The following ADGRB2 variants were observed in gnomAD, a reference collection of about 807,000 sequenced individuals.
The protein encoded by ADGRB2 is adhesion G protein-coupled receptor B2, also known as brain-specific angiogenesis inhibitor 2.
A neutral mutation model predicts 178.7 loss-of-function variants in ADGRB2; 47 were observed. That is an observed-to-expected ratio of 0.26 (90% CI 0.21 to 0.34). The LOEUF (loss-of-function observed/expected upper bound fraction) is 0.34, where lower values mean the gene tolerates loss of function less well. Ranked by LOEUF, ADGRB2 falls within the 10% of genes least tolerant of loss-of-function variation. The pLI is 1.00. For synonymous variants in ADGRB2, 870 were observed against 912.4 expected, an observed-to-expected ratio of 0.95 and a Z score of 0.84; for missense variants, 1,584 against 2,180.8, an observed-to-expected ratio of 0.73 and a Z score of 5.45.
At position 31,727,912 on chromosome 1, in the gene ADGRB2, C is replaced by T; in HGVS notation, c.4572+113G>A. 9 of 1,356,770 alleles carry T rather than the reference C, an allele frequency of 6.6e-6. No homozygotes were observed. The highest frequency in any genetic ancestry group is 2.5e-5 in the East Asian group (1 of 39,754). The allele number at this position is 1,356,770 out of a possible 1,614,324, so 84.0% of individuals were successfully genotyped here. ...GGCGGCCCCAGACTGTTGCCCATGC[C>T]GTGGGGGAGGCCCTTGGTGAGACAG... On this transcript the variant is annotated intron_variant, in intron 32 of 32. Transcript: ENST00000373658. The surrounding 1 kb of genome is among the most constrained non-coding windows in gnomAD (Gnocchi z 4.4).
At position 31,742,853 on chromosome 1, in the gene ADGRB2, T is replaced by C. The variant is rs1646053900; in HGVS notation, c.1237A>G (p.Met413Val). 1 of 1,501,818 alleles carries C rather than the reference T, an allele frequency of 6.7e-7. No homozygotes were observed. Among genetic ancestry groups the C allele is most frequent in the Non-Finnish European group, 8.9e-7 (1 of 1,117,778 alleles). The allele number at this position is 1,501,818 out of a possible 1,614,324, so 93.0% of individuals were successfully genotyped here. A position where few individuals can be genotyped will look rare whatever the true frequency, so the allele number is the denominator to read the frequency against. Residue 413 changes from methionine to valine, a missense_variant, in exon 7 of 33, where the codon ATG (methionine) becomes GTG (valine). Physicochemically the swap from Met to Val is conservative, Grantham distance 21. Coordinates refer to ENST00000373658, the MANE Select transcript of ADGRB2 (RefSeq NM_001364857.2). ...GPELQTKLCS[M>V]AACPVEGQWL... Reference sequence around the variant, plus strand: ...TGCTACTGACCCGGGCAGGCAGCCATACTGCAGAGCTTAGTCTGCAGCTCA... The same window carrying C: ...TGCTACTGACCCGGGCAGGCAGCCACACTGCAGAGCTTAGTCTGCAGCTCA...
At chr1:31,742,031 C>T (rs1646001516) in intron 8 of ADGRB2, 22 bp downstream of exon 8, 1 of 1,591,676 alleles carries the variant, frequency 6.3e-7, no homozygotes, top group South Asian at 1.1e-5. Flanking sequence ...TGCAACTTGC[C>T]ACCACTGTGC....
intron 20 of ADGRB2, 77 bp downstream of exon 20, chr1:31,737,352 A>C: frequency 7.3e-7 from 1 of 1,376,470 alleles, no homozygotes; most frequent in East Asian, 2.3e-5. Context: ...CGTACAAGCA[A>C]ACACACACAC....
rs1176709058 is a variant in ADGRB2 at position 31,735,392 on chromosome 1, G to A, written c.3354-111C>T. On this transcript the variant is annotated intron_variant, in intron 24 of 32. Transcript: ENST00000373658. This position sits in a 1 kb window ranked among gnomAD's most constrained non-coding sequence, Gnocchi z 6.0. ...GAGGGGAGGGCAGACGAGAGAGAGA[G>A]AGCTGGGTTAGGGTGGGTGAGGGGC... 8.3e-7 allele frequency: 1 copy of A among 1,199,358 alleles called. No homozygotes were observed. The highest frequency in any genetic ancestry group is 2.6e-5 in the East Asian group (1 of 38,824). The allele number at this position is 1,199,358 out of a possible 1,614,324, so 74.3% of individuals were successfully genotyped here.
rs528852959 is a variant in ADGRB2 at position 31,758,129 on chromosome 1, C to A, written c.-190-618G>T. Among the ~76,000 whole-genome samples, 2 of 152,208 alleles carry A rather than the reference C, an allele frequency of 1.3e-5. No individual in the cohort carries two copies. Among genetic ancestry groups the A allele is most frequent in the African/African-American group, 4.8e-5 (2 of 41,446 alleles). On this transcript the variant is annotated intron_variant, in intron 1 of 32. Transcript: ENST00000373658. The surrounding 1 kb of genome is among the most constrained non-coding windows in gnomAD (Gnocchi z 4.2). ...CAGCCCCACTTCCAATCCTACCCCC[C>A]AAGTAATCCAAGCGGCCTCCCTCCT...
chr1:31,738,363 G>C (rs1243240666), intron 17 of ADGRB2, 37 bp from the exon 18 acceptor site: 1 of 1,612,164 alleles, frequency 6.2e-7, no homozygotes, highest in Non-Finnish European at 8.5e-7. Flanking sequence ...CCCCAGGCCA[G>C]CTACGTGGCC....
rs1425432989 is a variant in ADGRB2, at chr1:31,757,525, G to C, written c.-190-14C>G. On this transcript the variant is annotated splice_polypyrimidine_tract_variant and intron_variant, in intron 1 of 32. Transcript: ENST00000373658. ...GCTGTGGATTTCCTGGTTGGAATAA[G>C]GGGGAGAGGCACCGAGTAAGGGGAC... 1 of 416,320 alleles carries C rather than the reference G, an allele frequency of 2.4e-6. No homozygotes were observed. Among genetic ancestry groups the C allele is most frequent in the African/African-American group, 2.0e-5 (1 of 50,382 alleles). The allele number at this position is 416,320 out of a possible 1,614,324, so 25.8% of individuals were successfully genotyped here.
chr1:31,743,220 A>G lies in ADGRB2; in HGVS notation c.1088-218T>C, dbSNP rs182131240. 8.5e-4 allele frequency among the ~76,000 whole-genome samples: 130 copies of G among 152,136 alleles called. No individual in the cohort carries two copies. The East Asian group carries it at 0.025, about 29-fold the overall frequency. Reference sequence around the variant, plus strand: ...ACACAGGCTTCCGGTCCTAATTCACATAGGACAGCCCCTGTGGACGCCTGG... The same window carrying G: ...ACACAGGCTTCCGGTCCTAATTCACGTAGGACAGCCCCTGTGGACGCCTGG... On this transcript the variant is annotated intron_variant, in intron 6 of 32. Coordinates refer to ENST00000373658, the MANE Select transcript of ADGRB2 (RefSeq NM_001364857.2).
chr1:31,752,131 C>T (rs1646606040), intron 4 of ADGRB2, among the ~76,000 whole-genome samples: 1 of 152,166 alleles, frequency 6.6e-6, no homozygotes, highest in Non-Finnish European at 1.5e-5. Flanking sequence ...CTAGTTAGTG[C>T]TCTCCCTCCC....
At position 31,755,885 on chromosome 1, in the gene ADGRB2, A is replaced by G; in HGVS notation, c.838+114T>C. On this transcript the variant is annotated intron_variant, in intron 4 of 32. Transcript: ENST00000373658. The surrounding 1 kb of genome is among the most constrained non-coding windows in gnomAD (Gnocchi z 5.1). Reference sequence around the variant, plus strand: ...GCAACATTTGGACAAGGCTCAGCAGAGGGGTGACATCAGTGAACAGCTACA... The same window carrying G: ...GCAACATTTGGACAAGGCTCAGCAGGGGGGTGACATCAGTGAACAGCTACA... 2.1e-6 allele frequency: 3 copies of G among 1,398,652 alleles called. No homozygotes were observed. In the East Asian group the frequency reaches 7.0e-5, roughly 32 times the overall value. The allele number at this position is 1,398,652 out of a possible 1,614,324, so 86.6% of individuals were successfully genotyped here.
Position 31,741,223 on chromosome 1 carries a change from G to C in ADGRB2, c.1794+150C>G. On this transcript the variant is annotated intron_variant, in intron 11 of 32. Transcript: ENST00000373658. This position sits in a 1 kb window ranked among gnomAD's most constrained non-coding sequence, Gnocchi z 6.5. ...GTCAGGCCTTGAGGTATGAGTAGGAGCTTGCCAGACAAGGAGAGGCACAGC... is the reference window on the plus strand; with the variant it reads ...GTCAGGCCTTGAGGTATGAGTAGGACCTTGCCAGACAAGGAGAGGCACAGC... 1 of 765,172 alleles carries C rather than the reference G, an allele frequency of 1.3e-6. No individual in the cohort carries two copies. Among genetic ancestry groups the C allele is most frequent in the African/African-American group, 1.7e-5 (1 of 57,228 alleles). 47.4% of individuals were successfully genotyped at this position (765,172 alleles called of 1,614,324 possible). A position where few individuals can be genotyped will look rare whatever the true frequency, so the allele number is the denominator to read the frequency against.
rs182407600 is a variant in ADGRB2, at chr1:31,738,040, G to A, written c.2772+160C>T. ...CCCCAGGCAAATATCATTGCTGTGA[G>A]CACAATCCCAGGGGCACAGACATCC... On this transcript the variant is annotated intron_variant, in intron 18 of 32. Transcript: ENST00000373658. Among the ~76,000 whole-genome samples, 480 of 152,182 alleles carry A rather than the reference G, an allele frequency of 3.2e-3. 1 individual carries two copies. Among genetic ancestry groups the A allele is most frequent in the Non-Finnish European group, 4.8e-3 (328 of 68,010 alleles).
Position 31,744,635 on chromosome 1 carries a change from G to C in ADGRB2, c.922+13C>G, listed in dbSNP as rs189182682. On this transcript the variant is annotated intron_variant, in intron 5 of 32. Coordinates refer to ENST00000373658, the MANE Select transcript of ADGRB2 (RefSeq NM_001364857.2). The surrounding 1 kb of genome is among the most constrained non-coding windows in gnomAD (Gnocchi z 6.7). ...GCCCCCGCCGCAGAGGAAGGGAGGCGGGCCCGAGTTACCTGTCTGCGCCAT... is the reference window on the plus strand; with the variant it reads ...GCCCCCGCCGCAGAGGAAGGGAGGCCGGCCCGAGTTACCTGTCTGCGCCAT... 1 of 1,613,602 alleles carries C rather than the reference G, an allele frequency of 6.2e-7. No homozygotes were observed. The highest frequency in any genetic ancestry group is 2.2e-5 in the East Asian group (1 of 44,852).
rs751192081 is a variant in ADGRB2, at chr1:31,744,598, GCA to G, written c.922+48_922+49del. 14 of 1,589,844 alleles carry G rather than the reference GCA, an allele frequency of 8.8e-6. No homozygotes were observed. The African/African-American group carries it at 1.1e-4, about 12-fold the overall frequency. On this transcript the variant is annotated intron_variant, in intron 5 of 32. Transcript: ENST00000373658. This position sits in a 1 kb window ranked among gnomAD's most constrained non-coding sequence, Gnocchi z 6.7. ...ACACCAAGCACACACACCACCAGAC[GCA>G]CACAGTCGGGCCCCCGCCGCAGAGG...
Position 31,731,201 on chromosome 1 carries a change from A to G in ADGRB2, c.3979T>C (p.Cys1327Arg). The G allele has an allele frequency of 6.2e-7, 1 of 1,600,910 alleles. No homozygotes were observed. The highest frequency in any genetic ancestry group is 8.5e-7 in the Non-Finnish European group (1 of 1,174,488). ...PPQEANPVYM[C>R]GEGGLRQLDL... ...AGCTGCCGCAGGCCACCCTCCCCAC[A>G]CATGTAAACAGGGTTGGCCTCCTGT... The change falls in exon 29 of 33, where the codon TGT (cysteine) becomes CGT (arginine). Residue 1327 changes from cysteine to arginine, a missense_variant. Around this residue, in one of 3 missense-constraint regions of ADGRB2, gnomAD observed 865 missense variants for 1,192.8 expected, o/e 0.73. Coordinates refer to ENST00000373658, the MANE Select transcript of ADGRB2 (RefSeq NM_001364857.2).
intron 4 of ADGRB2, among the ~76,000 whole-genome samples, chr1:31,745,412 C>T (rs1461053096): frequency 6.6e-6 from 1 of 152,208 alleles, no homozygotes; most frequent in African/African-American, 2.4e-5. Flanking sequence ...AGCAGGTGCT[C>T]GAGGAGGCCA....
rs1291008812 is a variant in ADGRB2 at position 31,758,716 on chromosome 1, C to T, written c.-190-1205G>A. 1 of 158,630 alleles carries T rather than the reference C, an allele frequency of 6.3e-6. No homozygotes were observed. The highest frequency in any genetic ancestry group is 1.4e-5 in the Non-Finnish European group (1 of 70,282). 9.8% of individuals were successfully genotyped at this position (158,630 alleles called of 1,614,324 possible). On this transcript the variant is annotated intron_variant, in intron 1 of 32. Coordinates refer to ENST00000373658, the MANE Select transcript of ADGRB2 (RefSeq NM_001364857.2). This position sits in a 1 kb window ranked among gnomAD's most constrained non-coding sequence, Gnocchi z 4.2. ...GCAGACCTACTCACTGCAGAGGAGC[C>T]ACCCCACCCTCCTCCCAAGACCCAC...
chr1:31,761,831 GC>G lies in ADGRB2; in HGVS notation c.-191+2052del, dbSNP rs1214410229. Among the ~76,000 whole-genome samples, 1 of 152,110 alleles carries G rather than the reference GC, an allele frequency of 6.6e-6. No individual in the cohort carries two copies. The highest frequency in any genetic ancestry group is 2.4e-5 in the African/African-American group (1 of 41,396). On this transcript the variant is annotated intron_variant, in intron 1 of 32. Coordinates refer to ENST00000373658, the MANE Select transcript of ADGRB2 (RefSeq NM_001364857.2). This position sits in a 1 kb window ranked among gnomAD's most constrained non-coding sequence, Gnocchi z 4.2. ...CTGACCTTGGCCTTGAACAGAAACA[GC>G]CCCACACCCCTATCAATATTGAGCA...
chr1:31,742,139 C>T lies in ADGRB2; in HGVS notation c.1331G>A (p.Arg444Gln). Residue 444 changes from arginine to glutamine, a missense_variant, in exon 8 of 33, where the codon CGG becomes CAG. Arg to Gln is a conservative substitution (Grantham distance 43, BLOSUM62 1). Transcript: ENST00000373658. ...GGCTGGGCCCGCCACGCTGCACTTCCGGCTGCGCTGTTGGGTCCCATTGGC... is the reference window on the plus strand; with the variant it reads ...GGCTGGGCCCGCCACGCTGCACTTCTGGCTGCGCTGTTGGGTCCCATTGGC... ...SCANGTQQRS[R>Q]KCSVAGPAWA... The T allele has an allele frequency of 3.1e-6, 5 of 1,613,562 alleles. No individual in the cohort carries two copies. The highest frequency in any genetic ancestry group is 1.1e-5 in the South Asian group (1 of 91,064).
Sources: gnomAD v4.1 joint callset for allele counts (sites outside exome capture counted in the v4.1 genomes callset) on GRCh38, gnomAD v4.1.1 for gene constraint, gnomAD v4.1.1 regional missense constraint, Gnocchi (gnomAD v3.1) non-coding constraint, MANE v1.5 for transcripts, NCBI Gene and HGNC (gene_info 2026-07-23, HGNC 2026-07-21) for gene names.